The following TRPS1 variants were observed in gnomAD, a reference collection of about 807,000 sequenced individuals.
TRPS1 encodes the protein transcriptional repressor GATA binding 1, also known as zinc finger transcription factor Trps1.
TRPS1 carries 6 observed loss-of-function variants against 101.2 expected under a neutral mutation model. The ratio of observed to expected loss-of-function variants is 0.06; its 90% CI spans 0.03 to 0.12. The LOEUF (loss-of-function observed/expected upper bound fraction) is 0.12, where lower values mean the gene tolerates loss of function less well. Among genes scored for constraint, TRPS1 ranks in the 10% least tolerant of loss-of-function variants. The pLI is 1.00. For synonymous variants in TRPS1, 578 were observed against 589.8 expected (o/e 0.98, Z 0.29); for missense variants, 1,363 against 1,567.0 (o/e 0.87, Z 2.20).
At chr8:115,490,042 G>A (rs1814982445) in intron 5 of TRPS1, among the ~76,000 whole-genome samples, 1 of 152,066 alleles carries the variant, frequency 6.6e-6, no homozygotes, top group Admixed American at 6.5e-5. Context: ...TGTGGTATCT[G>A]GCTGATGGTT....
chr8:115,435,626 G>A (rs577140525), intron 5 of TRPS1, among the ~76,000 whole-genome samples: 1 of 152,128 alleles, frequency 6.6e-6, no homozygotes, highest in African/African-American at 2.4e-5. Context: ...AAAATCAGAT[G>A]TAACTAACAA....
intron 5 of TRPS1, among the ~76,000 whole-genome samples, chr8:115,461,227 A>T (rs1436501166): frequency 6.6e-6 from 1 of 152,016 alleles, no homozygotes. Flanking sequence ...TAGATAGATG[A>T]CAGATGGAAA....
At chr8:115,520,989 T>C (rs1443176738) in intron 5 of TRPS1, among the ~76,000 whole-genome samples, 1 of 151,838 alleles carries the variant, frequency 6.6e-6, no homozygotes, top group Non-Finnish European at 1.5e-5. Flanking sequence ...GGTTCCACGC[T>C]TATGCCTCCC....
intron 5 of TRPS1, among the ~76,000 whole-genome samples, chr8:115,578,866 A>AT (rs1205067930): frequency 6.6e-6 from 1 of 152,110 alleles, no homozygotes; most frequent in Non-Finnish European, 1.5e-5. Flanking sequence ...ACATACACAC[A>AT]TAAAAACGTG....
At chr8:115,537,007 A>G (rs1003510157) in intron 5 of TRPS1, among the ~76,000 whole-genome samples, 3 of 152,206 alleles carry the variant, frequency 2.0e-5, no homozygotes, top group Admixed American at 2.0e-4. Context: ...ATCACAAATC[A>G]TGAATAAAAT....
intron 1 of TRPS1, chr8:115,637,433 ATCT>A (rs1263564450): frequency 2.4e-6 from 1 of 420,048 alleles, no homozygotes; most frequent in Non-Finnish European, 3.2e-6. Flanking sequence ...TTCAAAACAA[ATCT>A]TCAACTCTGA....
At chr8:115,465,122 T>C (rs1814285035) in intron 5 of TRPS1, among the ~76,000 whole-genome samples, 1 of 152,036 alleles carries the variant, frequency 6.6e-6, no homozygotes, top group Non-Finnish European at 1.5e-5. Context: ...CAATTTCACT[T>C]CAGAGTTGGG....
chr8:115,619,165 C>T lies in TRPS1; in HGVS notation c.933G>A (p.Arg311=), dbSNP rs886043713. 5.0e-6 allele frequency: 8 copies of T among 1,614,056 alleles called. No individual in the cohort carries two copies. The Middle Eastern group carries it at 8.2e-4, about 166-fold the overall frequency. The change falls in exon 3 of 7, where the codon AGG becomes AGA. Residue 311 remains arginine, a synonymous_variant. Transcript: ENST00000395715. ...SGVLQDINSS[R]PVLLNGTYDV... is the part of the protein sequence containing the mutation. Reference sequence around the variant, plus strand: ...CATAGGTCCCATTTAGTAAAACAGGCCTTGAAGAATTGATGTCCTGCAGCA... The same window carrying T: ...CATAGGTCCCATTTAGTAAAACAGGTCTTGAAGAATTGATGTCCTGCAGCA...
intron 5 of TRPS1, among the ~76,000 whole-genome samples, chr8:115,506,766 G>C (rs1330936105): frequency 6.6e-6 from 1 of 152,046 alleles, no homozygotes; most frequent in Non-Finnish European, 1.5e-5. Flanking sequence ...GAATTAAGGA[G>C]TGAGACACAT....
chr8:115,490,973 T>A (rs1387980495), intron 5 of TRPS1, among the ~76,000 whole-genome samples: 1 of 152,094 alleles, frequency 6.6e-6, no homozygotes, highest in Non-Finnish European at 1.5e-5. Flanking sequence ...CCAAACAACA[T>A]CAACAACAAA....
intron 5 of TRPS1, among the ~76,000 whole-genome samples, chr8:115,521,777 C>A (rs1405642263): frequency 6.6e-6 from 1 of 151,686 alleles, no homozygotes; most frequent in African/African-American, 2.4e-5. Context: ...GGATATAAAC[C>A]AAGTTTATGC....
At chr8:115,459,204 G>T (rs1331809952) in intron 5 of TRPS1, among the ~76,000 whole-genome samples, 1 of 152,042 alleles carries the variant, frequency 6.6e-6, no homozygotes, top group Non-Finnish European at 1.5e-5. Context: ...TTGGCATGGA[G>T]GCAGGTGCCT....
At chr8:115,601,812 A>C (rs1020785312) in intron 4 of TRPS1, among the ~76,000 whole-genome samples, 2 of 152,138 alleles carry the variant, frequency 1.3e-5, no homozygotes, top group African/African-American at 4.8e-5. Context: ...GTGAAGTCAA[A>C]AACTCACAGG....
chr8:115,521,353 T>C (rs976871074), intron 5 of TRPS1, among the ~76,000 whole-genome samples: 1 of 151,864 alleles, frequency 6.6e-6, no homozygotes, highest in Admixed American at 6.6e-5. Context: ...ATTGATTCGT[T>C]TGTGCAAGAA....
At chr8:115,541,870 C>CA (rs1816461278) in intron 5 of TRPS1, among the ~76,000 whole-genome samples, 1 of 152,136 alleles carries the variant, frequency 6.6e-6, no homozygotes, top group South Asian at 2.1e-4. Context: ...TATATCCACA[C>CA]ACAGCAGGAC....
chr8:115,482,848 C>T (rs1269660987), intron 5 of TRPS1, among the ~76,000 whole-genome samples: 2 of 152,144 alleles, frequency 1.3e-5, no homozygotes, highest in Admixed American at 6.5e-5. Context: ...TTAACTGAAA[C>T]CAAAATGCAC....
intron 4 of TRPS1, among the ~76,000 whole-genome samples, chr8:115,591,614 G>A (rs982524882): frequency 6.6e-6 from 1 of 152,112 alleles, no homozygotes; most frequent in African/African-American, 2.4e-5. Flanking sequence ...TCCTGGAGAG[G>A]ACCTCGTGAA....
chr8:115,625,117 T>C (rs1373418864), intron 1 of TRPS1, among the ~76,000 whole-genome samples: 1 of 151,984 alleles, frequency 6.6e-6, no homozygotes, highest in Non-Finnish European at 1.5e-5. Context: ...CTAAAATTTA[T>C]TTCCATTAGA....
intron 5 of TRPS1, among the ~76,000 whole-genome samples, chr8:115,505,688 C>T (rs1815424925): frequency 6.6e-6 from 1 of 152,074 alleles, no homozygotes; most frequent in African/African-American, 2.4e-5. Flanking sequence ...GCATTTGGTT[C>T]CAATGACTCT....
Sources: allele counts gnomAD v4.1 joint callset (sites outside exome capture counted in the v4.1 genomes callset), GRCh38; gene constraint gnomAD v4.1.1; transcripts MANE v1.5; gene names NCBI Gene and HGNC (gene_info 2026-07-23, HGNC 2026-07-21).